The following MB21D2 variants were observed in gnomAD, a reference collection of about 807,000 sequenced individuals.
MB21D2 encodes Mab-21 domain containing 2, also known as nucleotidyltransferase MB21D2.
Under a neutral mutation model 33.3 loss-of-function variants are expected in MB21D2, and 9 were observed. The ratio of observed to expected loss-of-function variants is 0.27; its 90% CI spans 0.16 to 0.47. The LOEUF (loss-of-function observed/expected upper bound fraction) is 0.47, where lower values mean the gene tolerates loss of function less well. Ranked by LOEUF, MB21D2 falls within the 20% of genes least tolerant of loss-of-function variation. The pLI, the probability that MB21D2 is intolerant of heterozygous loss-of-function variation, is 0.99. For missense variants in MB21D2, 540 were observed against 624.6 expected (o/e 0.86, Z 1.44); for synonymous variants, 241 against 236.3 (o/e 1.02, Z -0.18).
Position 192,799,028 on chromosome 3 carries a change from G to GGA in MB21D2, c.832_833dup (p.Tyr279ProfsTer21), listed in dbSNP as rs755542283. The GGA allele has an allele frequency of 6.2e-7, 1 of 1,614,064 alleles. No individual in the cohort carries two copies. Among genetic ancestry groups the GGA allele is most frequent in the Non-Finnish European group, 8.5e-7 (1 of 1,180,016 alleles). On this transcript the variant is annotated frameshift_variant, in exon 2 of 2. Coordinates refer to ENST00000392452, the MANE Select transcript of MB21D2 (RefSeq NM_178496.4). LOFTEE classifies it high-confidence loss of function. This position sits in a 1 kb window ranked among gnomAD's most constrained non-coding sequence, Gnocchi z 4.1. The stretch of plus-strand genomic sequence containing the variant: ...ATTCATTGTCCTTCTTACCCTTGTA[G>GGA]GAGCAAGCAGGCACCAAGTAAAACC...
chr3:192,855,784 C>G (rs1024282724), intron 1 of MB21D2, among the ~76,000 whole-genome samples: 1 of 152,180 alleles, frequency 6.6e-6, no homozygotes, highest in South Asian at 2.1e-4. Context: ...AGTTATAAAG[C>G]AAGACAGTCT....
chr3:192,813,594 T>C (rs1473938142), intron 1 of MB21D2, among the ~76,000 whole-genome samples: 2 of 152,172 alleles, frequency 1.3e-5, no homozygotes, highest in Non-Finnish European at 2.9e-5. Context: ...TTGTTCCCTA[T>C]AATTACTTGA....
chr3:192,894,345 G>A (rs1713920080), intron 1 of MB21D2, among the ~76,000 whole-genome samples: 1 of 151,988 alleles, frequency 6.6e-6, no homozygotes, highest in Non-Finnish European at 1.5e-5. Flanking sequence ...TGGACAGGCT[G>A]GTTTCAAACT....
chr3:192,800,372 G>A (rs1383861130), intron 1 of MB21D2, among the ~76,000 whole-genome samples: 2 of 152,008 alleles, frequency 1.3e-5, no homozygotes, highest in African/African-American at 4.8e-5. Context: ...GAGCTACCAC[G>A]CCCAGTCTTG....
intron 1 of MB21D2, among the ~76,000 whole-genome samples, chr3:192,841,726 G>GT (rs1260966346): frequency 6.6e-6 from 1 of 152,228 alleles, no homozygotes; most frequent in East Asian, 1.9e-4. Flanking sequence ...TGTATTTGTT[G>GT]TTTTACAGTG....
At chr3:192,811,409 T>C (rs111634913) in intron 1 of MB21D2, among the ~76,000 whole-genome samples, 9 of 152,162 alleles carry the variant, frequency 5.9e-5, no homozygotes, top group African/African-American at 2.2e-4. Flanking sequence ...GGTCTGTTAA[T>C]AATTCTTGAT....
intron 1 of MB21D2, among the ~76,000 whole-genome samples, chr3:192,893,244 G>T: frequency 6.6e-6 from 1 of 152,186 alleles, no homozygotes; most frequent in South Asian, 2.1e-4. Flanking sequence ...GTGACATGAC[G>T]TCTTTACTTC....
At chr3:192,821,041 A>C (rs534684178) in intron 1 of MB21D2, among the ~76,000 whole-genome samples, 1 of 152,222 alleles carries the variant, frequency 6.6e-6, no homozygotes, top group Non-Finnish European at 1.5e-5. Flanking sequence ...ATCCATTTTA[A>C]ACAAACAAAC....
In MB21D2 at chr3:192,798,317, A is replaced by T; in HGVS notation, c.*69T>A. On this transcript the variant is annotated 3_prime_UTR_variant, in exon 2 of 2. Transcript: ENST00000392452. This position sits in a 1 kb window ranked among gnomAD's most constrained non-coding sequence, Gnocchi z 4.8. ...GGCTGGATATGTAAAAAACAGAAAG[A>T]TAGCATCACAAACCACACGACACAT... 1.3e-6 allele frequency: 2 copies of T among 1,516,268 alleles called. No homozygotes were observed. Among genetic ancestry groups the T allele is most frequent in the Non-Finnish European group, 1.8e-6 (2 of 1,117,410 alleles). 93.9% of individuals were successfully genotyped at this position (1,516,268 alleles called of 1,614,324 possible). A position where few individuals can be genotyped will look rare whatever the true frequency, so the allele number is the denominator to read the frequency against.
chr3:192,806,537 T>C (rs1270956810), intron 1 of MB21D2, among the ~76,000 whole-genome samples: 1 of 152,322 alleles, frequency 6.6e-6, no homozygotes, highest in East Asian at 1.9e-4. Flanking sequence ...GCGTCACAAA[T>C]GAAAGATCCT....
chr3:192,805,762 C>T (rs1176889150), intron 1 of MB21D2, among the ~76,000 whole-genome samples: 1 of 152,132 alleles, frequency 6.6e-6, no homozygotes, highest in African/African-American at 2.4e-5. Flanking sequence ...AGTAAGTAAA[C>T]GCATATAAAA....
chr3:192,840,922 G>A (rs148482981), intron 1 of MB21D2, among the ~76,000 whole-genome samples: 1,930 of 152,258 alleles, frequency 0.013, 25 homozygotes, highest in Admixed American at 0.022. Flanking sequence ...CAAGAGGCAG[G>A]TTGTGGAAAA....
chr3:192,881,860 A>C (rs1294783292), intron 1 of MB21D2, among the ~76,000 whole-genome samples: 3 of 152,130 alleles, frequency 2.0e-5, no homozygotes, highest in African/African-American at 7.3e-5. Flanking sequence ...CTTGTCCCCA[A>C]AAGTATTGAA....
chr3:192,834,071 A>G (rs1164637440), intron 1 of MB21D2, among the ~76,000 whole-genome samples: 1 of 152,194 alleles, frequency 6.6e-6, no homozygotes, highest in Non-Finnish European at 1.5e-5. Flanking sequence ...CTGCAGGTAC[A>G]TGGTACATGG....
At chr3:192,873,318 C>A (rs545827206) in intron 1 of MB21D2, among the ~76,000 whole-genome samples, 2 of 152,248 alleles carry the variant, frequency 1.3e-5, no homozygotes, top group South Asian at 4.1e-4. Context: ...CGACTGTGGT[C>A]CCCTGGAAAC....
intron 1 of MB21D2, among the ~76,000 whole-genome samples, chr3:192,836,485 T>C (rs1712441876): frequency 6.6e-6 from 1 of 152,210 alleles, no homozygotes; most frequent in South Asian, 2.1e-4. Context: ...ATGAGGCTGT[T>C]AGAGGGAGTC....
chr3:192,828,266 T>G (rs898337511), intron 1 of MB21D2, among the ~76,000 whole-genome samples: 1 of 151,896 alleles, frequency 6.6e-6, no homozygotes, highest in African/African-American at 2.4e-5. Flanking sequence ...AGCCAAATTA[T>G]AGGTCAACAG....
At chr3:192,914,648 TAA>T (rs141461781) in intron 1 of MB21D2, among the ~76,000 whole-genome samples, 3,243 of 152,202 alleles carry the variant, frequency 0.021, 103 homozygotes, top group African/African-American at 0.073. Context: ...ATCATTCTCC[TAA>T]AAGACCAAGG....
chr3:192,833,146 A>G (rs1712358011), intron 1 of MB21D2, among the ~76,000 whole-genome samples: 1 of 152,114 alleles, frequency 6.6e-6, no homozygotes, highest in Non-Finnish European at 1.5e-5. Context: ...CTGTAACACA[A>G]TTTCTAGCAA....
Sources: allele counts gnomAD v4.1 joint callset (sites outside exome capture counted in the v4.1 genomes callset), GRCh38; gene constraint gnomAD v4.1.1; non-coding constraint Gnocchi (gnomAD v3.1); transcripts MANE v1.5; gene names NCBI Gene and HGNC (gene_info 2026-07-23, HGNC 2026-07-21).